Variants in PRKG1 observed in about 807,000 individuals in gnomAD.
PRKG1 encodes the protein protein kinase cGMP-dependent 1.
Under a neutral mutation model 88.1 loss-of-function variants are expected in PRKG1, and 35 were observed. That is an observed-to-expected ratio of 0.40 (90% CI 0.30 to 0.53). PRKG1 has a LOEUF of 0.53. PRKG1 is among the 20% of genes least tolerant of loss of function. PRKG1 has a pLI of 0.59. For missense variants in PRKG1, 540 were observed against 839.8 expected (o/e 0.64, Z 4.41); for synonymous variants, 303 against 292.5 (o/e 1.04, Z -0.37).
At position 51,923,545 on chromosome 10, in the gene PRKG1, C is replaced by CTT. The variant is rs573696476; in HGVS notation, c.762+15985_762+15986dup. On this transcript the variant is annotated intron_variant, in intron 5 of 17. Coordinates refer to ENST00000373980, the MANE Select transcript of PRKG1 (RefSeq NM_006258.4). ...TAATTTTAGCATATTACTTCTATTT[C>CTT]TTTTTTTTTTTAACATTTTTTAGTG... Among the ~76,000 whole-genome samples the CTT allele has an allele frequency of 5.4e-4, 78 of 144,488 alleles. 1 individual carries two copies. In the East Asian group the frequency reaches 0.01, roughly 19 times the overall value. The allele number at this position is 144,488 out of a possible 152,430, so 94.8% of individuals were successfully genotyped here.
At chr10:51,968,423 C>T (rs991200696) in intron 5 of PRKG1, among the ~76,000 whole-genome samples, 17 of 152,022 alleles carry the variant, frequency 1.1e-4, no homozygotes, top group Admixed American at 9.8e-4. Flanking sequence ...GAGGCATAGA[C>T]ACAAAGACTG....
chr10:51,048,892 A>G (rs2132766445), intron 1 of PRKG1, among the ~76,000 whole-genome samples: 1 of 152,034 alleles, frequency 6.6e-6, no homozygotes, highest in Non-Finnish European at 1.5e-5. Flanking sequence ...TGCTGTTACC[A>G]TGCACCGCAT....
In PRKG1 at chr10:51,467,796, G is replaced by A; in HGVS notation, c.552G>A (p.Leu184=). 6.2e-7 allele frequency: 1 copy of A among 1,612,916 alleles called. No homozygotes were observed. The highest frequency in any genetic ancestry group is 8.5e-7 in the Non-Finnish European group (1 of 1,179,034). The change falls in exon 3 of 18, where the codon TTG becomes TTA. Residue 184 remains leucine (L), a synonymous_variant. Coordinates refer to ENST00000373980, the MANE Select transcript of PRKG1 (RefSeq NM_006258.4). ...GTCCAGGAAAAGTGTTTGGGGAATT[G>A]GCTATTCTTTACAACTGTACCCGGA... ...TMGPGKVFGE[L]AILYNCTRTA... is the part of the protein sequence containing the mutation.
chr10:51,813,593 T>C (rs973646855), intron 4 of PRKG1, among the ~76,000 whole-genome samples: 11 of 152,136 alleles, frequency 7.2e-5, no homozygotes, highest in Non-Finnish European at 1.0e-4. Flanking sequence ...GCCAAACAGA[T>C]AAAGAAAACT....
At chr10:51,285,128 G>A (rs548225392) in intron 2 of PRKG1, among the ~76,000 whole-genome samples, 3 of 136,596 alleles carry the variant, frequency 2.2e-5, no homozygotes, top group South Asian at 4.6e-4. Context: ...TCCCACCTAT[G>A]AGTGAGAATA....
rs186599897 is a variant in PRKG1, at chr10:51,846,098, C to G, written c.698+41408C>G. Among the ~76,000 whole-genome samples the G allele has an allele frequency of 4.5e-3, 686 of 152,248 alleles. 2 individuals are homozygous for G. Among genetic ancestry groups the G allele is most frequent in the Middle Eastern group, 0.037 (11 of 294 alleles). ...CCAAATGCCCCCACATCTACCCAAA[C>G]AGATGTTTAGATGTTAAAGATGTCT... On this transcript the variant is annotated intron_variant, in intron 4 of 17. Transcript: ENST00000373980.
At chr10:52,027,389 G>A (rs12243919) in intron 5 of PRKG1, among the ~76,000 whole-genome samples, 32,998 of 152,116 alleles carry the variant, frequency 0.22, 3,817 homozygotes, top group East Asian at 0.32. Flanking sequence ...TATTGCAAAA[G>A]GCTTGTATTC....
intron 2 of PRKG1, among the ~76,000 whole-genome samples, chr10:51,458,483 G>A (rs765438111): frequency 2.0e-5 from 3 of 150,474 alleles, no homozygotes; most frequent in Non-Finnish European, 3.0e-5. Context: ...CTGTTCCCTC[G>A]ATTAGTTTAT....
At chr10:51,345,923 A>G (rs1461656043) in intron 2 of PRKG1, among the ~76,000 whole-genome samples, 1 of 152,140 alleles carries the variant, frequency 6.6e-6, no homozygotes, top group South Asian at 2.1e-4. Flanking sequence ...AAAGTTATTG[A>G]TGTTTCTTCT....
chr10:52,225,388 C>T (rs1261839113), intron 9 of PRKG1, among the ~76,000 whole-genome samples: 1 of 152,092 alleles, frequency 6.6e-6, no homozygotes, highest in Non-Finnish European at 1.5e-5. Context: ...GATATTAGTC[C>T]TTTGTCAGAT....
chr10:51,881,129 T>C (rs544175426), intron 4 of PRKG1, among the ~76,000 whole-genome samples: 97 of 151,846 alleles, frequency 6.4e-4, no homozygotes, highest in African/African-American at 1.8e-3. Context: ...CAGGTTATAT[T>C]TGAGAATTGA....
intron 2 of PRKG1, among the ~76,000 whole-genome samples, chr10:51,402,250 A>AGATT (rs1429790735): frequency 1.3e-5 from 2 of 152,232 alleles, no homozygotes; most frequent in Non-Finnish European, 2.9e-5. Flanking sequence ...TATAAGTCAT[A>AGATT]GATTATTAAT....
chr10:51,177,124 G>A (rs982236912), intron 2 of PRKG1, among the ~76,000 whole-genome samples: 16 of 152,112 alleles, frequency 1.1e-4, no homozygotes, highest in African/African-American at 3.6e-4. Flanking sequence ...ATGCCAGATG[G>A]CTTGGAGCAC....
intron 4 of PRKG1, among the ~76,000 whole-genome samples, chr10:51,828,150 C>T (rs1411422608): frequency 6.6e-6 from 1 of 152,058 alleles, no homozygotes; most frequent in Non-Finnish European, 1.5e-5. Context: ...ACCTTTGGAT[C>T]AACCTAATAG....
chr10:51,419,629 A>C (rs1222344399), intron 2 of PRKG1, among the ~76,000 whole-genome samples: 1 of 152,076 alleles, frequency 6.6e-6, no homozygotes, highest in Non-Finnish European at 1.5e-5. Flanking sequence ...TGTACAGTGG[A>C]GAGATTTTTT....
chr10:51,956,950 TTTCCTTCC>T (rs541418913), intron 5 of PRKG1, among the ~76,000 whole-genome samples: 1 of 151,808 alleles, frequency 6.6e-6, no homozygotes, highest in Non-Finnish European at 1.5e-5. Context: ...ATTTTCTTTC[TTTCCTTCC>T]TTCCTTCCTT....
At chr10:51,303,167 T>A (rs1465280319) in intron 2 of PRKG1, among the ~76,000 whole-genome samples, 2 of 152,132 alleles carry the variant, frequency 1.3e-5, no homozygotes, top group Admixed American at 1.3e-4. Flanking sequence ...TGTAAGATAT[T>A]AACAAAATAC....
At chr10:51,233,438 C>T (rs1200806476) in intron 2 of PRKG1, among the ~76,000 whole-genome samples, 1 of 152,052 alleles carries the variant, frequency 6.6e-6, no homozygotes, top group Non-Finnish European at 1.5e-5. Context: ...GACTAGACAA[C>T]CTTCAGTATT....
In PRKG1 at chr10:51,667,258, T is replaced by C. The variant is rs1564597690; in HGVS notation, c.593-137327T>C. On this transcript the variant is annotated intron_variant, in intron 3 of 17. Coordinates refer to ENST00000373980, the MANE Select transcript of PRKG1 (RefSeq NM_006258.4). ...ATTGTTTTGAAATAAAGCATGTTTT[T>C]CTTGTGAATATCTATGAAAGAATGT... 1.3e-5 allele frequency among the ~76,000 whole-genome samples: 2 copies of C among 152,226 alleles called. 1 individual carries two copies. Among genetic ancestry groups the C allele is most frequent in the East Asian group, 3.8e-4 (2 of 5,202 alleles).
Sources: allele counts gnomAD v4.1 joint callset (sites outside exome capture counted in the v4.1 genomes callset), GRCh38; gene constraint gnomAD v4.1.1; transcripts MANE v1.5; gene names NCBI Gene and HGNC (gene_info 2026-07-23, HGNC 2026-07-21).